Variants in ARHGEF9 observed in about 807,000 individuals in gnomAD.
The protein encoded by ARHGEF9 is rho guanine nucleotide exchange factor 9.
Under a neutral mutation model 41.3 loss-of-function variants are expected in ARHGEF9, and 2 were observed. The observed-to-expected ratio is 0.05, with a 90% CI of 0.02 to 0.15. The LOEUF is 0.15. Ranked by LOEUF, ARHGEF9 falls within the 10% of genes least tolerant of loss-of-function variation. ARHGEF9 has a pLI of 1.00. For synonymous variants in ARHGEF9, 160 were observed against 154.4 expected, an observed-to-expected ratio of 1.04 and a Z score of -0.27; for missense variants, 225 against 424.7, an observed-to-expected ratio of 0.53 and a Z score of 4.13.
At chrX:63,691,455 A>G (rs1556381367) in intron 4 of ARHGEF9, among the ~76,000 whole-genome samples, 1 of 111,297 alleles carries the variant, frequency 9.0e-6, no homozygotes, top group Admixed American at 9.6e-5. Context: ...AATAAAAATA[A>G]AAAGCACTGC....
At chrX:63,758,818 A>G (rs782363476) in intron 1 of ARHGEF9, among the ~76,000 whole-genome samples, 9 of 111,945 alleles carry the variant, frequency 8.0e-5, no homozygotes, top group Non-Finnish European at 1.7e-4. Context: ...ACTGTATTGT[A>G]TTTTTTTCTT....
intron 9 of ARHGEF9, chrX:63,641,039 T>C (rs2047593494): frequency 9.0e-6 from 1 of 111,360 alleles, no homozygotes; most frequent in Admixed American, 9.6e-5. Context: ...AGGAGATTTG[T>C]AGTAATCCTG....
At chrX:63,746,249 C>T (rs1361029167) in intron 1 of ARHGEF9, among the ~76,000 whole-genome samples, 1 of 112,096 alleles carries the variant, frequency 8.9e-6, no homozygotes, top group Non-Finnish European at 1.9e-5. Context: ...AGATCAATGG[C>T]CAATTCCCAT....
intron 1 of ARHGEF9, among the ~76,000 whole-genome samples, chrX:63,744,901 G>C (rs2055173410): frequency 8.9e-6 from 1 of 111,819 alleles, no homozygotes; most frequent in African/African-American, 3.3e-5. Context: ...TTTTGCTTTT[G>C]TTCTAAGCCC....
chrX:63,715,096 AC>A (rs1556409242), intron 2 of ARHGEF9, among the ~76,000 whole-genome samples: 1 of 110,405 alleles, frequency 9.1e-6, no homozygotes, highest in Non-Finnish European at 1.9e-5. Flanking sequence ...AGTCAAGAAA[AC>A]TAGATGCCTC....
chrX:63,674,540 T>C (rs2050141608), intron 5 of ARHGEF9, among the ~76,000 whole-genome samples: 1 of 111,556 alleles, frequency 9.0e-6, no homozygotes, highest in Non-Finnish European at 1.9e-5. Flanking sequence ...TTTTTAAGGA[T>C]TCAGGGTGGG....
At chrX:63,772,095 CCTCA>C (rs1344694926) in intron 1 of ARHGEF9, among the ~76,000 whole-genome samples, 1 of 111,689 alleles carries the variant, frequency 9.0e-6, no homozygotes, top group Non-Finnish European at 1.9e-5. Flanking sequence ...TCTGGAGAAC[CCTCA>C]CTAATAAATA....
intron 2 of ARHGEF9, among the ~76,000 whole-genome samples, chrX:63,711,122 T>C: frequency 8.9e-6 from 1 of 111,864 alleles, no homozygotes; most frequent in Non-Finnish European, 1.9e-5. Flanking sequence ...TGCAGTCTTA[T>C]ACAATGAAAA....
intron 1 of ARHGEF9, among the ~76,000 whole-genome samples, chrX:63,752,101 T>C (rs2055679513): frequency 8.9e-6 from 1 of 111,885 alleles, no homozygotes; most frequent in Admixed American, 9.4e-5. Flanking sequence ...TTAAACTTGT[T>C]ATCCAGGCTG....
At chrX:63,655,830 C>G in intron 7 of ARHGEF9, 93 bp from the exon 8 acceptor site, 1 of 1,108,064 alleles carries the variant, frequency 9.0e-7, no homozygotes, top group Non-Finnish European at 1.2e-6. Context: ...AACACTGTCA[C>G]CGTTTTGAAG....
intron 1 of ARHGEF9, among the ~76,000 whole-genome samples, chrX:63,781,060 T>C (rs1305900343): frequency 8.9e-6 from 1 of 112,077 alleles, no homozygotes; most frequent in Non-Finnish European, 1.9e-5. Context: ...TCTAAAACAG[T>C]GAAACAATGA....
intron 9 of ARHGEF9, chrX:63,642,513 G>T (rs2047701499): frequency 8.9e-6 from 1 of 111,834 alleles, no homozygotes; most frequent in Non-Finnish European, 1.9e-5. Context: ...ATGAGGAAAA[G>T]AGACAATAAG....
rs782313473 is a variant in ARHGEF9 at position 63,697,260 on chromosome X, G to A, written c.447C>T (p.Asp149=). 40 of 1,208,951 alleles carry A rather than the reference G, an allele frequency of 3.3e-5. No homozygotes were observed. Among genetic ancestry groups the A allele is most frequent in the East Asian group, 8.9e-5 (3 of 33,712 alleles). Residue 149 remains aspartate (D), a synonymous_variant, in exon 4 of 10, where the codon GAC becomes GAT. Coordinates refer to ENST00000671741, the MANE Select transcript of ARHGEF9 (RefSeq NM_001353921.2). ...TCCCAAAGATTACCTTCAGTTGCTC[G>A]TCACTGAACATGTCCCTTCTCTTCC... ...QCRKRRDMFS[D]EQLKVIFGNI...
At chrX:63,751,924 G>C (rs1489250659) in intron 1 of ARHGEF9, among the ~76,000 whole-genome samples, 3 of 109,978 alleles carry the variant, frequency 2.7e-5, no homozygotes, top group Non-Finnish European at 5.7e-5. Context: ...GGTCTGTCAG[G>C]CTCACAGAGG....
chrX:63,697,396 C>G, intron 3 of ARHGEF9, 92 bp from the exon 4 acceptor site: 1 of 807,368 alleles, frequency 1.2e-6, no homozygotes, highest in Non-Finnish European at 1.8e-6. Flanking sequence ...ATTTTGGTCC[C>G]AAGAAGTAGG....
intron 4 of ARHGEF9, among the ~76,000 whole-genome samples, chrX:63,680,594 G>A (rs782772115): frequency 2.7e-5 from 3 of 112,432 alleles, no homozygotes; most frequent in Non-Finnish European, 3.8e-5. Context: ...GAGTCGCAGT[G>A]ATCTGCCGTG....
intron 1 of ARHGEF9, among the ~76,000 whole-genome samples, chrX:63,761,468 G>A (rs1187759713): frequency 2.7e-5 from 3 of 111,423 alleles, no homozygotes; most frequent in African/African-American, 9.8e-5. Flanking sequence ...GAATGAATGA[G>A]TGAATGAAGA....
intron 2 of ARHGEF9, among the ~76,000 whole-genome samples, chrX:63,717,966 T>C (rs1556411225): frequency 8.9e-6 from 1 of 112,123 alleles, no homozygotes; most frequent in Non-Finnish European, 1.9e-5. Flanking sequence ...AGACAGATTC[T>C]AGTTCAACTT....
chrX:63,702,820 T>G (rs1556397249), intron 3 of ARHGEF9, among the ~76,000 whole-genome samples: 2 of 111,985 alleles, frequency 1.8e-5, no homozygotes. Context: ...AGTGAGGGCA[T>G]ATCTACATCT....
Sources: allele counts gnomAD v4.1 joint callset (sites outside exome capture counted in the v4.1 genomes callset), GRCh38; gene constraint gnomAD v4.1.1; transcripts MANE v1.5; gene names NCBI Gene and HGNC (gene_info 2026-07-23, HGNC 2026-07-21).